The following FRRS1 variants were observed in gnomAD, a reference collection of about 807,000 sequenced individuals.
The protein encoded by FRRS1 is ferric reductase 1.
A neutral mutation model predicts 70.7 loss-of-function variants in FRRS1; 51 were observed. The ratio of observed to expected loss-of-function variants is 0.72; its 90% CI spans 0.58 to 0.91. The LOEUF is 0.91. FRRS1 is among the 40% of genes least tolerant of loss of function. The pLI is 0.00. For missense variants in FRRS1, 672 were observed against 726.0 expected (o/e 0.93, Z 0.86); for synonymous variants, 225 against 238.7 (o/e 0.94, Z 0.53).
chr1:99,712,304 T>C, intron 13 of FRRS1, 114 bp downstream of exon 13: 1 of 973,432 alleles, frequency 1.0e-6, no homozygotes, highest in South Asian at 1.6e-5. Context: ...AAAGTAACTA[T>C]AATTTATCAC....
chr1:99,715,723 G>C, intron 11 of FRRS1, 51 bp from the exon 12 acceptor site: 3 of 1,337,564 alleles, frequency 2.2e-6, no homozygotes, highest in Non-Finnish European at 3.2e-6. Context: ...GTAAAAGAAA[G>C]GTGGTGTTGC....
intron 7 of FRRS1, among the ~76,000 whole-genome samples, chr1:99,732,485 T>C (rs553640677): frequency 4.1e-4 from 63 of 152,176 alleles, no homozygotes; most frequent in Non-Finnish European, 6.5e-4. Context: ...AAAAGACAAA[T>C]TATGTATGGC....
intron 9 of FRRS1, among the ~76,000 whole-genome samples, chr1:99,727,817 A>G (rs866416903): frequency 2.0e-5 from 3 of 152,346 alleles, no homozygotes; most frequent in Middle Eastern, 3.4e-3. Context: ...ACAAAATCGA[A>G]TTATTCCTAT....
chr1:99,751,839 G>A (rs1656583868), intron 1 of FRRS1, among the ~76,000 whole-genome samples: 1 of 152,134 alleles, frequency 6.6e-6, no homozygotes, highest in Admixed American at 6.5e-5. Context: ...AAAGAAATAA[G>A]TGAAGGTAAA....
chr1:99,752,199 C>T (rs1008932063), intron 1 of FRRS1, among the ~76,000 whole-genome samples: 3 of 152,180 alleles, frequency 2.0e-5, no homozygotes, highest in African/African-American at 7.2e-5. Flanking sequence ...ACTGGAGTAA[C>T]CATTTTGTTC....
chr1:99,718,475 T>C (rs1386537710), intron 10 of FRRS1, among the ~76,000 whole-genome samples: 1 of 152,058 alleles, frequency 6.6e-6, no homozygotes, highest in Non-Finnish European at 1.5e-5. Context: ...ACTACAGGCG[T>C]ACACCACCAT....
chr1:99,751,304 C>T (rs1571149773), intron 1 of FRRS1, among the ~76,000 whole-genome samples: 1 of 152,230 alleles, frequency 6.6e-6, no homozygotes, highest in East Asian at 1.9e-4. Context: ...CTGAACTACT[C>T]CAGCAGCTTT....
At chr1:99,716,064 A>G (rs1303015442) in intron 11 of FRRS1, among the ~76,000 whole-genome samples, 1 of 150,886 alleles carries the variant, frequency 6.6e-6, no homozygotes, top group Non-Finnish European at 1.5e-5. Flanking sequence ...ACAAACAAAC[A>G]AAAAATACTG....
intron 3 of FRRS1, chr1:99,747,968 C>CA (rs1656368242): frequency 6.6e-6 from 1 of 152,198 alleles, no homozygotes; most frequent in South Asian, 2.1e-4. Flanking sequence ...TATTGAATTA[C>CA]AAAAAAAGAA....
rs781201159 is a variant in FRRS1 at position 99,715,681 on chromosome 1, TA to T, written c.1237-10del. On this transcript the variant is annotated splice_polypyrimidine_tract_variant and intron_variant, in intron 11 of 16. Transcript: ENST00000646001. ...ATGAGCATCCGATGCACCTGCAAGG[TA>T]AAATGACAAATTAAGAAGACACTTA... is the stretch of plus-strand genomic sequence containing the variant. The T allele has an allele frequency of 6.9e-6, 11 of 1,598,006 alleles. No homozygotes were observed. The highest frequency in any genetic ancestry group is 8.6e-6 in the Non-Finnish European group (10 of 1,165,992).
intron 1 of FRRS1, among the ~76,000 whole-genome samples, chr1:99,757,119 G>A (rs1055682796): frequency 1.3e-5 from 2 of 149,718 alleles, no homozygotes; most frequent in Non-Finnish European, 3.0e-5. Context: ...TTTAATTTTC[G>A]TTTACTACAT....
chr1:99,744,909 G>A (rs1285587232), intron 4 of FRRS1, among the ~76,000 whole-genome samples: 1 of 143,720 alleles, frequency 7.0e-6, no homozygotes, highest in Non-Finnish European at 1.5e-5. Flanking sequence ...GGCGGAGCTT[G>A]CAGTGAGTTG....
chr1:99,727,448 CA>C (rs1242261936), intron 9 of FRRS1, among the ~76,000 whole-genome samples: 1 of 151,560 alleles, frequency 6.6e-6, no homozygotes, highest in Non-Finnish European at 1.5e-5. Flanking sequence ...CTTCCTTCAG[CA>C]AAAAAAATAA....
At chr1:99,730,898 T>C (rs1228905860) in intron 7 of FRRS1, among the ~76,000 whole-genome samples, 1 of 142,872 alleles carries the variant, frequency 7.0e-6, no homozygotes, top group Non-Finnish European at 1.5e-5. Flanking sequence ...CAGCCAAGCA[T>C]GGTGATGCAT....
chr1:99,726,731 G>T (rs943049830), intron 9 of FRRS1, among the ~76,000 whole-genome samples: 1 of 152,098 alleles, frequency 6.6e-6, no homozygotes, highest in African/African-American at 2.4e-5. Flanking sequence ...TTTTGAGACA[G>T]GGTCTCCCTT....
intron 15 of FRRS1, 37 bp downstream of exon 15, chr1:99,710,769 A>C (rs1414498291): frequency 1.3e-6 from 2 of 1,591,338 alleles, no homozygotes; most frequent in Non-Finnish European, 1.7e-6. Context: ...TTTGTATAGA[A>C]GTGCTTCTAC....
intron 9 of FRRS1, among the ~76,000 whole-genome samples, chr1:99,727,988 T>A (rs1264270404): frequency 1.3e-5 from 2 of 152,180 alleles, no homozygotes; most frequent in Non-Finnish European, 2.9e-5. Context: ...CTCCCCTCAG[T>A]GGGAGGTCTT....
In FRRS1 at chr1:99,738,189, C is replaced by T; in HGVS notation, c.656G>A (p.Cys219Tyr). The T allele has an allele frequency of 1.2e-6, 2 of 1,613,932 alleles. No individual in the cohort carries two copies. The highest frequency in any genetic ancestry group is 1.1e-5 in the South Asian group (1 of 91,072). Residue 219 changes from cysteine to tyrosine, a missense_variant, in exon 7 of 17, where the codon TGT becomes TAT. Cys to Tyr is a radical substitution (Grantham distance 194). Transcript: ENST00000646001. ...ATCTCTTGTGAAGGACAAGAAGACA[C>T]AGGAAGCCTCCTTCTCTGGGTCACA... ...LNCDPEKEAS[C>Y]VFLSFTRDDQ...
chr1:99,759,567 T>C (rs1032087409), intron 1 of FRRS1, among the ~76,000 whole-genome samples: 2 of 152,090 alleles, frequency 1.3e-5, no homozygotes, highest in Non-Finnish European at 2.9e-5. Flanking sequence ...GGAAGACTTT[T>C]AGAAAAATAG....
Sources: allele counts gnomAD v4.1 joint callset (sites outside exome capture counted in the v4.1 genomes callset), GRCh38; gene constraint gnomAD v4.1.1; transcripts MANE v1.5; gene names NCBI Gene and HGNC (gene_info 2026-07-23, HGNC 2026-07-21).